The following LRCH1 variants were observed in gnomAD, a reference collection of about 807,000 sequenced individuals.
The protein encoded by LRCH1 is leucine rich repeats and calponin homology domain containing 1, also known as leucine-rich repeat and calponin homology domain-containing protein 1.
A neutral mutation model predicts 94.9 loss-of-function variants in LRCH1; 23 were observed. The observed-to-expected ratio is 0.24, with a 90% CI of 0.17 to 0.34. The LOEUF (loss-of-function observed/expected upper bound fraction) is 0.34, where lower values mean the gene tolerates loss of function less well. Ranked by LOEUF, LRCH1 falls within the 10% of genes least tolerant of loss-of-function variation. The pLI is 1.00. For synonymous variants in LRCH1, 364 were observed against 354.9 expected, an observed-to-expected ratio of 1.03 and a Z score of -0.29; for missense variants, 790 against 945.9, an observed-to-expected ratio of 0.84 and a Z score of 2.16.
At chr13:46,573,679 A>G (rs913423972) in intron 1 of LRCH1, among the ~76,000 whole-genome samples, 3 of 151,486 alleles carry the variant, frequency 2.0e-5, no homozygotes, top group Non-Finnish European at 4.4e-5. Flanking sequence ...TAAAAATTAA[A>G]ACAGTTGAAC....
intron 19 of LRCH1, among the ~76,000 whole-genome samples, chr13:46,737,781 C>A (rs571688392): frequency 6.6e-6 from 1 of 152,278 alleles, no homozygotes; most frequent in African/African-American, 2.4e-5. Flanking sequence ...CTCTATGTAG[C>A]AGATTGGCTA....
At chr13:46,702,579 T>G (rs1871538264) in intron 11 of LRCH1, among the ~76,000 whole-genome samples, 1 of 152,132 alleles carries the variant, frequency 6.6e-6, no homozygotes, top group African/African-American at 2.4e-5. Flanking sequence ...GTAAAAAGGA[T>G]AGACTCGAGC....
chr13:46,639,185 A>T (rs1440866932), intron 1 of LRCH1, among the ~76,000 whole-genome samples: 2 of 152,196 alleles, frequency 1.3e-5, no homozygotes, highest in Non-Finnish European at 2.9e-5. Context: ...TAATCCTGGA[A>T]TGATAACATA....
chr13:46,682,326 T>A (rs1248894993), intron 4 of LRCH1, among the ~76,000 whole-genome samples: 1 of 152,140 alleles, frequency 6.6e-6, no homozygotes, highest in Non-Finnish European at 1.5e-5. Flanking sequence ...TAATCTCCTC[T>A]TCTTACAAGG....
chr13:46,674,680 A>G (rs752861276), intron 3 of LRCH1, among the ~76,000 whole-genome samples: 22 of 152,248 alleles, frequency 1.4e-4, no homozygotes, highest in Non-Finnish European at 2.6e-4. Flanking sequence ...AGCACCTGCT[A>G]TATACCAGGC....
chr13:46,563,478 C>T (rs540953474), intron 1 of LRCH1, among the ~76,000 whole-genome samples: 7 of 152,282 alleles, frequency 4.6e-5, no homozygotes, highest in South Asian at 2.1e-4. Context: ...CCCTATGCAT[C>T]GGTTTCCTCA....
chr13:46,676,029 A>T (rs2051667892), intron 3 of LRCH1, among the ~76,000 whole-genome samples: 1 of 152,232 alleles, frequency 6.6e-6, no homozygotes. Flanking sequence ...CTGTAATCCC[A>T]GCACTTTGGG....
chr13:46,563,057 A>G (rs1349819480), intron 1 of LRCH1, among the ~76,000 whole-genome samples: 1 of 144,154 alleles, frequency 6.9e-6, no homozygotes, highest in African/African-American at 3.0e-5. Context: ...TTCGATAAGC[A>G]ATGTTACATC....
At chr13:46,559,362 A>G (rs985664188) in intron 1 of LRCH1, among the ~76,000 whole-genome samples, 1 of 152,190 alleles carries the variant, frequency 6.6e-6, no homozygotes. Flanking sequence ...TGTTTATTAC[A>G]TGTATTCTAA....
intron 19 of LRCH1, among the ~76,000 whole-genome samples, chr13:46,734,968 ATCCT>A (rs1170202579): frequency 6.6e-6 from 1 of 151,070 alleles, no homozygotes; most frequent in African/African-American, 2.4e-5. Context: ...TTCTCTCTCC[ATCCT>A]TCCTTCCTTT....
At chr13:46,628,133 G>C (rs1031994439) in intron 1 of LRCH1, among the ~76,000 whole-genome samples, 14 of 152,174 alleles carry the variant, frequency 9.2e-5, no homozygotes, top group Non-Finnish European at 1.8e-4. Context: ...TCATAAAACA[G>C]GAGCACAGTT....
At chr13:46,691,136 G>C (rs2138159440) in intron 7 of LRCH1, among the ~76,000 whole-genome samples, 1 of 152,328 alleles carries the variant, frequency 6.6e-6, no homozygotes, top group East Asian at 1.9e-4. Context: ...TTAGGAGCAA[G>C]CCACAATCTC....
chr13:46,638,861 C>T (rs1351645729), intron 1 of LRCH1, among the ~76,000 whole-genome samples: 1 of 152,148 alleles, frequency 6.6e-6, no homozygotes, highest in African/African-American at 2.4e-5. Context: ...TCTAGATCCT[C>T]TTTACCTTTG....
intron 1 of LRCH1, among the ~76,000 whole-genome samples, chr13:46,646,657 A>G (rs1352084130): frequency 1.3e-5 from 2 of 152,208 alleles, no homozygotes; most frequent in Non-Finnish European, 2.9e-5. Flanking sequence ...TTAGTATTCC[A>G]TTATGGAATA....
intron 1 of LRCH1, among the ~76,000 whole-genome samples, chr13:46,582,648 C>G (rs867327247): frequency 4.3e-5 from 1 of 23,332 alleles, no homozygotes; most frequent in Non-Finnish European, 8.0e-5. Flanking sequence ...CCATGCCCAG[C>G]TTTTTTTTTT....
chr13:46,684,814 ACACAGTCC>A (rs1870522991), intron 4 of LRCH1, among the ~76,000 whole-genome samples: 1 of 152,316 alleles, frequency 6.6e-6, no homozygotes, highest in Admixed American at 6.5e-5. Flanking sequence ...AATTTAAAAA[ACACAGTCC>A]CTTACATTCC....
At chr13:46,749,020 C>T (rs2794660), downstream of LRCH1, among the ~76,000 whole-genome samples, 49,554 of 152,036 alleles carry the variant, frequency 0.33, 12,505 homozygotes, top group African/African-American at 0.7. Flanking sequence ...CCTGTGTCTC[C>T]GGTAATTTTT....
chr13:46,587,700 T>C (rs1391449636), intron 1 of LRCH1, among the ~76,000 whole-genome samples: 1 of 152,224 alleles, frequency 6.6e-6, no homozygotes, highest in Non-Finnish European at 1.5e-5. Context: ...CTTTTGGAGA[T>C]GAACTTCATT....
In LRCH1 at chr13:46,743,664, A is replaced by G; in HGVS notation, c.*1816A>G. 1.0e-6 allele frequency: 1 copy of G among 985,384 alleles called. No individual in the cohort carries two copies. 61.0% of individuals were successfully genotyped at this position (985,384 alleles called of 1,614,324 possible). On this transcript the variant is annotated 3_prime_UTR_variant, in exon 20 of 20. Transcript: ENST00000389797. ...TCTCAGCATTCCCATCCAGCTCTGC[A>G]GTGCATTGAGGCTTCTCTTTAATGG...
Sources: gnomAD v4.1 joint callset for allele counts (sites outside exome capture counted in the v4.1 genomes callset) on GRCh38, gnomAD v4.1.1 for gene constraint, MANE v1.5 for transcripts, NCBI Gene and HGNC (gene_info 2026-07-23, HGNC 2026-07-21) for gene names.